PATL1: variants seen among roughly 807,000 people sequenced by gnomAD.
PATL1 encodes the protein protein PAT1 homolog 1.
In PATL1, 32 loss-of-function variants were observed where a neutral mutation model predicts 100.6. The ratio of observed to expected loss-of-function variants is 0.32; its 90% CI spans 0.24 to 0.43. The LOEUF (loss-of-function observed/expected upper bound fraction) is 0.43. PATL1 is among the 20% of genes least tolerant of loss of function. The pLI is 1.00. For synonymous variants in PATL1, 332 were observed against 330.0 expected (o/e 1.01, Z -0.07); for missense variants, 747 against 949.9 (o/e 0.79, Z 2.81).
intron 15 of PATL1, among the ~76,000 whole-genome samples, chr11:59,645,527 A>G (rs973240319): frequency 6.6e-6 from 1 of 151,764 alleles, no homozygotes; most frequent in Non-Finnish European, 1.5e-5. Context: ...TTCTTCTACA[A>G]AGAACTTTGT....
intron 1 of PATL1, 62 bp downstream of exon 1, chr11:59,668,819 A>T: frequency 2.4e-6 from 2 of 841,930 alleles, no homozygotes; most frequent in Non-Finnish European, 3.6e-6. Flanking sequence ...GCGCGCGGAG[A>T]GAGAGTGAGG....
In PATL1 at chr11:59,652,963, G is replaced by C; in HGVS notation, c.1177C>G (p.Gln393Glu). The C allele has an allele frequency of 6.2e-7, 1 of 1,614,004 alleles. No homozygotes were observed. The highest frequency in any genetic ancestry group is 8.5e-7 in the Non-Finnish European group (1 of 1,179,884). Reference sequence around the variant, plus strand: ...TATGGATCCTTTCGGAGATGATCTTGATGACTGCTCCGGTGACTTCCTCTA... The same window carrying C: ...TATGGATCCTTTCGGAGATGATCTTCATGACTGCTCCGGTGACTTCCTCTA... ...GDRGSHRSSH[Q>E]DHLRKDPYAN... Residue 393 changes from glutamine (Q) to glutamate (E), a missense_variant, in exon 10 of 19, where the codon CAA becomes GAA. Gln to Glu is a conservative substitution (Grantham distance 29). Around this residue, in one of 4 missense-constraint regions of PATL1, gnomAD observed 434 missense variants for 596.1 expected, o/e 0.73. Coordinates refer to ENST00000300146, the MANE Select transcript of PATL1 (RefSeq NM_152716.3).
At chr11:59,667,486 A>C (rs1861707669) in intron 1 of PATL1, among the ~76,000 whole-genome samples, 1 of 152,234 alleles carries the variant, frequency 6.6e-6, no homozygotes, top group Admixed American at 6.5e-5. Context: ...GAAACAGAAA[A>C]TTAGGTCTTC....
Position 59,637,335 on chromosome 11 carries a change from C to T in PATL1, c.*1055G>A, listed in dbSNP as rs1177420090. 2.6e-5 allele frequency: 4 copies of T among 152,574 alleles called. No individual in the cohort carries two copies. Among genetic ancestry groups the T allele is most frequent in the African/African-American group, 4.8e-5 (2 of 41,450 alleles). 9.5% of individuals were successfully genotyped at this position (152,574 alleles called of 1,614,324 possible). A position where few individuals can be genotyped will look rare whatever the true frequency, so the allele number is the denominator to read the frequency against. On this transcript the variant is annotated 3_prime_UTR_variant, in exon 19 of 19. Transcript: ENST00000300146. Reference sequence around the variant, plus strand: ...CTTGGGTGAGATGAAGTAGTAAAGACAGCAGTTCTGCCCATGGTGTGGAGA... The same window carrying T: ...CTTGGGTGAGATGAAGTAGTAAAGATAGCAGTTCTGCCCATGGTGTGGAGA...
chr11:59,665,874 T>G (rs1202670718), intron 2 of PATL1, among the ~76,000 whole-genome samples: 1 of 152,242 alleles, frequency 6.6e-6, no homozygotes, highest in African/African-American at 2.4e-5. Flanking sequence ...AAGTAACATG[T>G]GTTCTCAAAC....
At chr11:59,658,476 C>G (rs1214436235) in intron 4 of PATL1, among the ~76,000 whole-genome samples, 1 of 152,128 alleles carries the variant, frequency 6.6e-6, no homozygotes, top group Non-Finnish European at 1.5e-5. Context: ...GTGCCCACCA[C>G]CACGCCTGGT....
intron 18 of PATL1, 149 bp downstream of exon 18, chr11:59,638,899 T>C (rs1348595311): frequency 1.1e-6 from 1 of 893,822 alleles, no homozygotes; most frequent in East Asian, 2.6e-5. Flanking sequence ...GTCAGGCTGG[T>C]CTGGAACTCC....
At chr11:59,654,392 G>T (rs1028491419) in intron 8 of PATL1, among the ~76,000 whole-genome samples, 7 of 151,178 alleles carry the variant, frequency 4.6e-5, no homozygotes, top group Admixed American at 4.0e-4. Context: ...CAGTGGAATC[G>T]CTTGAGCCTG....
At chr11:59,667,997 C>A (rs117285718) in intron 1 of PATL1, among the ~76,000 whole-genome samples, 5,344 of 152,292 alleles carry the variant, frequency 0.035, 135 homozygotes, top group Non-Finnish European at 0.043. Context: ...AAGATTAGGT[C>A]AAAGGGCGTT....
rs532088279 is a variant in PATL1, at chr11:59,652,960, C to T, written c.1180G>A (p.Asp394Asn). The stretch of plus-strand genomic sequence containing the variant: ...GCATATGGATCCTTTCGGAGATGAT[C>T]TTGATGACTGCTCCGGTGACTTCCT... ...DRGSHRSSHQ[D>N]HLRKDPYANL... The change falls in exon 10 of 19, where the codon GAT becomes AAT. Residue 394 changes from aspartate (D) to asparagine (N), a missense_variant. This residue lies in a region of PATL1 where 434 missense variants were observed against 596.1 expected (regional missense o/e 0.73). Coordinates refer to ENST00000300146, the MANE Select transcript of PATL1 (RefSeq NM_152716.3). The T allele has an allele frequency of 1.2e-6, 2 of 1,613,970 alleles. No homozygotes were observed. Among genetic ancestry groups the T allele is most frequent in the South Asian group, 1.1e-5 (1 of 91,078 alleles).
Position 59,638,219 on chromosome 11 carries a change from G to A in PATL1, c.*171C>T. The stretch of plus-strand genomic sequence containing the variant: ...ACCCAGCCAAATTTCATAGAGCAGT[G>A]GGGAAATATCTGACATTTAGAGAGA... On this transcript the variant is annotated 3_prime_UTR_variant, in exon 19 of 19. Coordinates refer to ENST00000300146, the MANE Select transcript of PATL1 (RefSeq NM_152716.3). 3.0e-6 allele frequency: 2 copies of A among 662,470 alleles called. No homozygotes were observed. The highest frequency in any genetic ancestry group is 3.7e-5 in the South Asian group (2 of 53,384). 41.0% of individuals were successfully genotyped at this position (662,470 alleles called of 1,614,324 possible).
intron 1 of PATL1, among the ~76,000 whole-genome samples, chr11:59,667,725 A>T (rs1861711199): frequency 6.6e-6 from 1 of 152,258 alleles, no homozygotes; most frequent in South Asian, 2.1e-4. Context: ...GTGATGATCA[A>T]AGTGGGCAAA....
intron 2 of PATL1, among the ~76,000 whole-genome samples, chr11:59,660,615 CAAG>C (rs1861613979): frequency 6.6e-6 from 1 of 151,818 alleles, no homozygotes; most frequent in South Asian, 2.1e-4. Context: ...TGAGAAACGG[CAAG>C]GAGGACTGTG....
chr11:59,664,480 A>G (rs1309622773), intron 2 of PATL1, among the ~76,000 whole-genome samples: 1 of 152,218 alleles, frequency 6.6e-6, no homozygotes, highest in Non-Finnish European at 1.5e-5. Context: ...GAATTTGTTG[A>G]AAAAATGGTT....
intron 8 of PATL1, 143 bp downstream of exon 8, chr11:59,655,380 A>G (rs1861513068): frequency 1.3e-6 from 1 of 790,544 alleles, no homozygotes; most frequent in Non-Finnish European, 2.0e-6. Flanking sequence ...AGATTGTCAA[A>G]CATTTCCATG....
Position 59,641,990 on chromosome 11 carries a change from G to C in PATL1, c.2049+890C>G, listed in dbSNP as rs545372605. On this transcript the variant is annotated intron_variant, in intron 16 of 18. Transcript: ENST00000300146. ...CACTTTTTCATCTCTACTGTACATA[G>C]AATGGCCCTTAATGAGTAACTACTA... Among the ~76,000 whole-genome samples the C allele has an allele frequency of 3.3e-5, 5 of 152,170 alleles. No homozygotes were observed. In the East Asian group the frequency reaches 9.7e-4, roughly 29 times the overall value.
chr11:59,653,832 C>T, intron 9 of PATL1, 151 bp downstream of exon 9: 1 of 639,146 alleles, frequency 1.6e-6, no homozygotes, highest in Non-Finnish European at 2.7e-6. Context: ...CAATATTATG[C>T]TTTTCATATT....
chr11:59,638,673 A>G (rs1272914048), intron 18 of PATL1, among the ~76,000 whole-genome samples: 1 of 150,982 alleles, frequency 6.6e-6, no homozygotes, highest in Non-Finnish European at 1.5e-5. Context: ...CACCCCAATC[A>G]TAACTTCTTT....
At position 59,638,261 on chromosome 11, in the gene PATL1, GA is replaced by G. The variant is rs1443877508; in HGVS notation, c.*128del. 2.2e-6 allele frequency: 2 copies of G among 905,424 alleles called. No individual in the cohort carries two copies. Among genetic ancestry groups the G allele is most frequent in the Non-Finnish European group, 3.5e-6 (2 of 568,738 alleles). The allele number at this position is 905,424 out of a possible 1,614,324, so 56.1% of individuals were successfully genotyped here. ...TTAGAGAGACAACCCCTGTAAACAG[GA>G]ATCGATCCCACAAGACTTTGCTTTG... On this transcript the variant is annotated 3_prime_UTR_variant, in exon 19 of 19. Transcript: ENST00000300146.
Sources: gnomAD v4.1 joint callset for allele counts (sites outside exome capture counted in the v4.1 genomes callset) on GRCh38, gnomAD v4.1.1 for gene constraint, gnomAD v4.1.1 regional missense constraint, MANE v1.5 for transcripts, NCBI Gene and HGNC (gene_info 2026-07-23, HGNC 2026-07-21) for gene names.